ROBO2: variants seen among roughly 807,000 people sequenced by gnomAD.
ROBO2 encodes the protein roundabout guidance receptor 2, also known as roundabout homolog 2.
ROBO2 carries 53 observed loss-of-function variants against 160.8 expected under a neutral mutation model. That is an observed-to-expected ratio of 0.33 (90% confidence interval 0.26 to 0.41). The LOEUF (loss-of-function observed/expected upper bound fraction) is 0.41, where lower values mean the gene tolerates loss of function less well. Among genes scored for constraint, ROBO2 ranks in the 10% least tolerant of loss-of-function variants. ROBO2 has a pLI of 1.00. For synonymous variants in ROBO2, 664 were observed against 611.7 expected, an observed-to-expected ratio of 1.09 and a Z score of -1.26; for missense variants, 1,577 against 1,722.4, an observed-to-expected ratio of 0.92 and a Z score of 1.49.
intron 2 of ROBO2, among the ~76,000 whole-genome samples, chr3:76,214,495 A>G (rs1199584562): frequency 2.6e-5 from 4 of 152,174 alleles, no homozygotes; most frequent in Non-Finnish European, 5.9e-5. Flanking sequence ...GGCTTAACAA[A>G]CAGCACACCA....
intron 2 of ROBO2, among the ~76,000 whole-genome samples, chr3:76,869,378 C>G (rs1469639063): frequency 1.9e-5 from 2 of 103,178 alleles, no homozygotes; most frequent in African/African-American, 7.7e-5. Flanking sequence ...GAGACGGAGT[C>G]TGACTCTGTC....
At chr3:76,010,493 C>G (rs1246975694) in intron 2 of ROBO2, among the ~76,000 whole-genome samples, 1 of 152,226 alleles carries the variant, frequency 6.6e-6, no homozygotes, top group East Asian at 1.9e-4. Context: ...GACCTTCAAA[C>G]AGCCTAATTT....
intron 2 of ROBO2, among the ~76,000 whole-genome samples, chr3:77,339,631 T>C (rs1194367122): frequency 6.6e-6 from 1 of 152,032 alleles, no homozygotes. Flanking sequence ...GGTAGCCTTT[T>C]AAAATCATAT....
At chr3:77,471,229 G>GC (rs2083317415) in intron 2 of ROBO2, among the ~76,000 whole-genome samples, 1 of 152,122 alleles carries the variant, frequency 6.6e-6, no homozygotes, top group Non-Finnish European at 1.5e-5. Context: ...GTAGTGATTT[G>GC]CCTAGACTGA....
chr3:76,623,953 A>T (rs1341620300), intron 2 of ROBO2, among the ~76,000 whole-genome samples: 1 of 152,088 alleles, frequency 6.6e-6, no homozygotes, highest in Non-Finnish European at 1.5e-5. Context: ...AGTATAACTT[A>T]TATATTTTAT....
In ROBO2 at chr3:76,736,198, G is replaced by C. The variant is rs376453968; in HGVS notation, c.110-361816G>C. Among the ~76,000 whole-genome samples the C allele has an allele frequency of 6.6e-3, 995 of 151,590 alleles. 7 individuals carry two copies. The highest frequency in any genetic ancestry group is 0.024 in the Middle Eastern group (7 of 292). ...TCGGGAGGCTGAGGCAGGAGAATGG[G>C]GGGAACCCGGGAGGCGGAGCTTGCA... On this transcript the variant is annotated intron_variant, in intron 2 of 26. Coordinates refer to the ROBO2 transcript ENST00000487694.
chr3:76,753,940 C>T (rs1254018235), intron 2 of ROBO2, among the ~76,000 whole-genome samples: 1 of 151,736 alleles, frequency 6.6e-6, no homozygotes, highest in African/African-American at 2.4e-5. Context: ...ATTTTTAATT[C>T]CTTGCCTTTA....
At chr3:76,843,631 C>T (rs1243658313) in intron 2 of ROBO2, among the ~76,000 whole-genome samples, 1 of 152,042 alleles carries the variant, frequency 6.6e-6, no homozygotes, top group African/African-American at 2.4e-5. Context: ...TATCCCTTCT[C>T]AGTGTCTTCT....
intron 2 of ROBO2, among the ~76,000 whole-genome samples, chr3:76,082,386 A>G (rs1404097757): frequency 6.6e-6 from 1 of 152,160 alleles, no homozygotes; most frequent in African/African-American, 2.4e-5. Flanking sequence ...GTAGAGATCA[A>G]TGGGAAGGGT....
chr3:76,611,415 G>A (rs1000592072), intron 2 of ROBO2, among the ~76,000 whole-genome samples: 8 of 152,030 alleles, frequency 5.3e-5, no homozygotes, highest in African/African-American at 9.7e-5. Flanking sequence ...TTTCTTTGCC[G>A]GAAGGCTTTT....
intron 2 of ROBO2, among the ~76,000 whole-genome samples, chr3:75,996,493 G>A (rs1219324476): frequency 6.6e-6 from 1 of 152,134 alleles, no homozygotes; most frequent in Non-Finnish European, 1.5e-5. Context: ...AAATTGCCCA[G>A]GCTTGGTTAG....
At chr3:77,459,669 A>G (rs1313194689) in intron 2 of ROBO2, among the ~76,000 whole-genome samples, 1 of 152,212 alleles carries the variant, frequency 6.6e-6, no homozygotes, top group Non-Finnish European at 1.5e-5. Context: ...AACAGGGGAA[A>G]CTGAAGAAGT....
At chr3:76,095,145 C>G (rs944407011) in intron 2 of ROBO2, among the ~76,000 whole-genome samples, 1 of 151,858 alleles carries the variant, frequency 6.6e-6, no homozygotes, top group African/African-American at 2.4e-5. Context: ...GCAAAAGACA[C>G]AGTGAGAATG....
intron 2 of ROBO2, among the ~76,000 whole-genome samples, chr3:76,019,355 G>A (rs688294): frequency 0.78 from 114,663 of 147,900 alleles, 44,801 homozygotes; most frequent in South Asian, 0.89. Flanking sequence ...CACATGGTTC[G>A]GTTTTCTCTG....
At chr3:77,601,962 G>T (rs2094438747) in intron 19 of ROBO2, among the ~76,000 whole-genome samples, 1 of 152,182 alleles carries the variant, frequency 6.6e-6, no homozygotes, top group South Asian at 2.1e-4. Flanking sequence ...CTCATTCATG[G>T]TTAAAGAAAA....
At chr3:76,963,845 AAAAAG>A (rs1411830521) in intron 2 of ROBO2, among the ~76,000 whole-genome samples, 6 of 150,742 alleles carry the variant, frequency 4.0e-5, no homozygotes, top group South Asian at 2.1e-4. Context: ...GCAAAAAAAA[AAAAAG>A]AAAAAAAAGA....
intron 23 of ROBO2, chr3:77,632,454 A>T: frequency 6.6e-7 from 1 of 1,515,896 alleles, no homozygotes; most frequent in Non-Finnish European, 8.8e-7. Flanking sequence ...AACTCACTAG[A>T]CAACTACATT....
rs142927611 is a variant in ROBO2, at chr3:75,978,935, C to A, written c.109+41333C>A. ...TTTGCTTTCTCACTGGCTCCTCTCC[C>A]TCCACCATGAGATCATACCCGGGTT... On this transcript the variant is annotated intron_variant, in intron 2 of 26. Transcript: ENST00000487694. Among the ~76,000 whole-genome samples, 144 of 151,524 alleles carry A rather than the reference C, an allele frequency of 9.5e-4. 3 individuals carry two copies. Among genetic ancestry groups the A allele is most frequent in the African/African-American group, 3.2e-3 (132 of 41,432 alleles).
At chr3:77,376,154 C>CTTTTTTT (rs11425201) in intron 2 of ROBO2, among the ~76,000 whole-genome samples, 17 of 115,544 alleles carry the variant, frequency 1.5e-4, no homozygotes, top group East Asian at 5.3e-4. Context: ...ATTTAACTTT[C>CTTTTTTT]TTTTTTTTTT....
Sources: gnomAD v4.1 joint callset for allele counts (sites outside exome capture counted in the v4.1 genomes callset) on GRCh38, gnomAD v4.1.1 for gene constraint, MANE v1.5 for transcripts, NCBI Gene and HGNC (gene_info 2026-07-23, HGNC 2026-07-21) for gene names.